The following ZFYVE9 variants were observed in gnomAD, a reference collection of about 807,000 sequenced individuals.
ZFYVE9 encodes the protein zinc finger FYVE-type containing 9, also known as zinc finger FYVE domain-containing protein 9.
A neutral mutation model predicts 126.7 loss-of-function variants in ZFYVE9; 43 were observed. The ratio of observed to expected loss-of-function variants is 0.34; its 90% confidence interval spans 0.27 to 0.44. The LOEUF is 0.44. ZFYVE9 is among the 20% of genes least tolerant of loss of function. The probability of loss-of-function intolerance (pLI) is 1.00; values close to 1 mark genes in which losing one functional copy is unlikely to be tolerated. For synonymous variants in ZFYVE9, 521 were observed against 597.4 expected, an observed-to-expected ratio of 0.87 and a Z score of 1.87; for missense variants, 1,476 against 1,697.0, an observed-to-expected ratio of 0.87 and a Z score of 2.29.
At chr1:52,216,928 T>C (rs1012776091) in intron 2 of ZFYVE9, among the ~76,000 whole-genome samples, 2 of 152,222 alleles carry the variant, frequency 1.3e-5, no homozygotes, top group African/African-American at 2.4e-5. Context: ...AGTATTCTTG[T>C]AGAACAGGAA....
chr1:52,241,621 T>C (rs1423898960), intron 4 of ZFYVE9, among the ~76,000 whole-genome samples: 4 of 152,176 alleles, frequency 2.6e-5, no homozygotes, highest in African/African-American at 9.7e-5. Flanking sequence ...GGTTGGAATT[T>C]TTGCTGAGTA....
intron 1 of ZFYVE9, among the ~76,000 whole-genome samples, chr1:52,210,544 C>T (rs893132399): frequency 1.3e-5 from 2 of 152,188 alleles, no homozygotes; most frequent in Non-Finnish European, 2.9e-5. Flanking sequence ...TATCAGATTA[C>T]TAACCTGCTG....
chr1:52,335,637 GTTATA>G lies in ZFYVE9; in HGVS notation c.3670+872_3670+876del, dbSNP rs1441199751. On this transcript the variant is annotated intron_variant, in intron 15 of 18. Transcript: ENST00000287727. The stretch of plus-strand genomic sequence containing the variant: ...TGCCTTTTGTGACCCACCCTTTAAA[GTTATA>G]TTGTGTCATTTCCACCATACTCTGG... Among the ~76,000 whole-genome samples, 3 of 152,156 alleles carry G rather than the reference GTTATA, an allele frequency of 2.0e-5. No individual in the cohort carries two copies. The East Asian group carries it at 5.8e-4, about 29-fold the overall frequency.
At chr1:52,220,326 C>G (rs1645112127) in intron 2 of ZFYVE9, among the ~76,000 whole-genome samples, 1 of 152,146 alleles carries the variant, frequency 6.6e-6, no homozygotes, top group Non-Finnish European at 1.5e-5. Flanking sequence ...TCAGTGTTCT[C>G]TATTAGTCCA....
At chr1:52,172,943 A>G (rs61782511) in intron 1 of ZFYVE9, among the ~76,000 whole-genome samples, 2 of 152,052 alleles carry the variant, frequency 1.3e-5, no homozygotes, top group South Asian at 2.1e-4. Flanking sequence ...CATGTCATCT[A>G]CAAACAGGGA....
At chr1:52,268,709 G>T in intron 7 of ZFYVE9, 77 bp downstream of exon 7, 2 of 1,510,570 alleles carry the variant, frequency 1.3e-6, no homozygotes, top group Non-Finnish European at 1.8e-6. Flanking sequence ...AATTACTTTT[G>T]TGTGGAACTC....
At chr1:52,269,424 C>A (rs937609991) in intron 7 of ZFYVE9, among the ~76,000 whole-genome samples, 2 of 152,068 alleles carry the variant, frequency 1.3e-5, no homozygotes, top group African/African-American at 4.8e-5. Flanking sequence ...GCCACCACAC[C>A]CTATCAGGAT....
In ZFYVE9 at chr1:52,334,797, A is replaced by G. The variant is rs1220826297; in HGVS notation, c.3670+29A>G. ...AAGAATGAATTGTTCAGTCCTCATA[A>G]TAAGGACTGAACTTATGTACATAAA... On this transcript the variant is annotated intron_variant, in intron 15 of 18. Coordinates refer to ENST00000287727, the MANE Select transcript of ZFYVE9 (RefSeq NM_004799.4). The G allele has an allele frequency of 3.7e-6, 6 of 1,604,030 alleles. No individual in the cohort carries two copies. The African/African-American group carries it at 5.4e-5, about 14-fold the overall frequency.
At chr1:52,341,966 G>A (rs1229352124) in intron 17 of ZFYVE9, among the ~76,000 whole-genome samples, 2 of 152,144 alleles carry the variant, frequency 1.3e-5, no homozygotes, top group African/African-American at 4.8e-5. Flanking sequence ...TTGCTCCCCA[G>A]TAGCAGTGAG....
intron 12 of ZFYVE9, among the ~76,000 whole-genome samples, chr1:52,301,721 C>A (rs1055670889): frequency 6.6e-6 from 1 of 152,164 alleles, no homozygotes; most frequent in Non-Finnish European, 1.5e-5. Context: ...CTTTTTGAAT[C>A]TATGGGTTTA....
At chr1:52,272,671 A>ACCTTTTTTTTTTTTTTTTTTTTT (rs1162973754) in intron 7 of ZFYVE9, among the ~76,000 whole-genome samples, 9 of 134,854 alleles carry the variant, frequency 6.7e-5, no homozygotes, top group African/African-American at 2.7e-4. Flanking sequence ...GCTAGAAATA[A>ACCTTTTTTTTTTTTTTTTTTTTT]TCTTTTTTTT....
intron 2 of ZFYVE9, among the ~76,000 whole-genome samples, chr1:52,220,470 G>A (rs1645113852): frequency 6.6e-6 from 1 of 152,206 alleles, no homozygotes; most frequent in Admixed American, 6.5e-5. Context: ...CCGATTGGGG[G>A]CATTTCAGTT....
At chr1:52,179,415 G>T (rs1644674717) in intron 1 of ZFYVE9, among the ~76,000 whole-genome samples, 1 of 151,748 alleles carries the variant, frequency 6.6e-6, no homozygotes, top group Non-Finnish European at 1.5e-5. Context: ...CGGGCGGATT[G>T]TGTGAGGTCA....
chr1:52,238,741 T>C lies in ZFYVE9; in HGVS notation c.1324T>C (p.Leu442=), dbSNP rs1254081257. ...TGATAGTGGAGGACAGTGTGTTGGA[T>C]TGGCAGATGCAGGTCTAGATTTAAA... ...NGDSGGQCVG[L]ADAGLDLKGT... The change falls in exon 4 of 19, where the codon TTG becomes CTG. Residue 442 remains leucine, a synonymous_variant. Coordinates refer to ENST00000287727, the MANE Select transcript of ZFYVE9 (RefSeq NM_004799.4). 2.5e-6 allele frequency: 4 copies of C among 1,614,070 alleles called. No homozygotes were observed. In the East Asian group the frequency reaches 8.9e-5, roughly 36 times the overall value.
chr1:52,198,361 G>A (rs542081406), intron 1 of ZFYVE9, among the ~76,000 whole-genome samples: 1 of 151,976 alleles, frequency 6.6e-6, no homozygotes, highest in African/African-American at 2.4e-5. Flanking sequence ...CACCTGCCTC[G>A]ACCTCCCTTA....
In ZFYVE9 at chr1:52,337,880, C is replaced by T; in HGVS notation, c.3779C>T (p.Pro1260Leu). Reference sequence around the variant, plus strand: ...TGTGGGAAGGCGGACGCGGAGGAACCCCAGGAGCACATCCACATCCAGTGG... The same window carrying T: ...TGTGGGAAGGCGGACGCGGAGGAACTCCAGGAGCACATCCACATCCAGTGG... ...ITCGKADAEE[P>L]QEHIHIQWVD... Residue 1260 changes from proline (P) to leucine (L), a missense_variant, in exon 16 of 19, where the codon CCC (proline) becomes CTC (leucine). Pro to Leu is a moderately conservative substitution (Grantham distance 98). Around this residue, in one of 2 missense-constraint regions of ZFYVE9, gnomAD observed 669 missense variants for 902.4 expected, o/e 0.74. Transcript: ENST00000287727. 5 of 1,614,172 alleles carry T rather than the reference C, an allele frequency of 3.1e-6. No individual in the cohort carries two copies. The highest frequency in any genetic ancestry group is 4.2e-6 in the Non-Finnish European group (5 of 1,180,044).
At chr1:52,343,565 G>T (rs1348530271) in intron 17 of ZFYVE9, among the ~76,000 whole-genome samples, 1 of 151,840 alleles carries the variant, frequency 6.6e-6, no homozygotes, top group African/African-American at 2.4e-5. Context: ...AGGCCAACCT[G>T]GCCAACATGG....
At chr1:52,273,417 T>G (rs1462024268) in intron 7 of ZFYVE9, among the ~76,000 whole-genome samples, 1 of 152,256 alleles carries the variant, frequency 6.6e-6, no homozygotes, top group African/African-American at 2.4e-5. Flanking sequence ...AGCATCATTT[T>G]AATAAACATT....
chr1:52,166,410 A>G (rs994749603), intron 1 of ZFYVE9, among the ~76,000 whole-genome samples: 2 of 152,174 alleles, frequency 1.3e-5, no homozygotes, highest in African/African-American at 4.8e-5. Flanking sequence ...GAATGTTGCA[A>G]CCTGCACTTT....
Sources: gnomAD v4.1 joint callset for allele counts (sites outside exome capture counted in the v4.1 genomes callset) on GRCh38, gnomAD v4.1.1 for gene constraint, gnomAD v4.1.1 regional missense constraint, MANE v1.5 for transcripts, NCBI Gene and HGNC (gene_info 2026-07-23, HGNC 2026-07-21) for gene names.